NFS1: variants seen among roughly 807,000 people sequenced by gnomAD.
NFS1 encodes the protein NFS1 cysteine desulfurase.
A neutral mutation model predicts 57.3 loss-of-function variants in NFS1; 26 were observed. The observed-to-expected ratio is 0.45, with a 90% confidence interval of 0.33 to 0.63. The LOEUF (loss-of-function observed/expected upper bound fraction) is 0.63. NFS1 is among the 20% of genes least tolerant of loss of function. The pLI is 0.02. For missense variants in NFS1, 505 were observed against 605.8 expected, an observed-to-expected ratio of 0.83 and a Z score of 1.75; for synonymous variants, 209 against 216.3, an observed-to-expected ratio of 0.97 and a Z score of 0.30.
At chr20:35,688,616 G>A (rs746650077) in intron 5 of NFS1, among the ~76,000 whole-genome samples, 12 of 151,886 alleles carry the variant, frequency 7.9e-5, no homozygotes, top group Admixed American at 2.0e-4. Context: ...GTCTGAGGCC[G>A]CAGTGAGCTA....
At chr20:35,680,619 G>C in intron 7 of NFS1, 118 bp downstream of exon 7, 1 of 844,668 alleles carries the variant, frequency 1.2e-6, no homozygotes, top group Non-Finnish European at 1.7e-6. Context: ...TTCTACAAGG[G>C]ACTCTGAATG....
intron 5 of NFS1, among the ~76,000 whole-genome samples, chr20:35,690,009 G>A (rs564429480): frequency 6.6e-6 from 1 of 151,192 alleles, no homozygotes; most frequent in African/African-American, 2.4e-5. Flanking sequence ...TGAGGCAGGA[G>A]AATCATTAGA....
intron 5 of NFS1, among the ~76,000 whole-genome samples, chr20:35,685,865 CAAAAAA>C (rs72491026): frequency 3.0e-5 from 2 of 66,616 alleles, no homozygotes; most frequent in Admixed American, 1.6e-4. Flanking sequence ...TACCCCCCCG[CAAAAAA>C]AAAAAAAAAA....
intron 5 of NFS1, among the ~76,000 whole-genome samples, chr20:35,683,885 C>T (rs531011386): frequency 8.0e-4 from 119 of 149,170 alleles, no homozygotes; most frequent in Non-Finnish European, 1.4e-3. Context: ...CCCAGCACTT[C>T]GGCAGATCAC....
chr20:35,690,373 C>T (rs1335563040), intron 5 of NFS1, 40 bp downstream of exon 5: 1 of 1,597,410 alleles, frequency 6.3e-7, no homozygotes, highest in Admixed American at 1.7e-5. Flanking sequence ...TGAAGCCAGG[C>T]TCCTCCATTT....
At chr20:35,678,031 T>C (rs1276324397) in intron 7 of NFS1, among the ~76,000 whole-genome samples, 2 of 151,942 alleles carry the variant, frequency 1.3e-5, no homozygotes, top group South Asian at 4.1e-4. Flanking sequence ...CTGGCCAACA[T>C]AGTGAAACCC....
intron 12 of NFS1, among the ~76,000 whole-genome samples, chr20:35,672,295 G>T (rs956612790): frequency 3.3e-5 from 5 of 151,754 alleles, no homozygotes; most frequent in African/African-American, 1.2e-4. Context: ...TGTTGCTCAG[G>T]CTGCAATGCA....
Position 35,698,855 on chromosome 20 carries a change from G to T in NFS1, c.98-265C>A, listed in dbSNP as rs1171831669. On this transcript the variant is annotated intron_variant, in intron 1 of 12. Coordinates refer to ENST00000374092, the MANE Select transcript of NFS1 (RefSeq NM_021100.5). Reference sequence around the variant, plus strand: ...AAGGAAGGCTCTAAAGGGCAAAGACGTTTAGAAGGAACGTGGAGCCAGAGT... The same window carrying T: ...AAGGAAGGCTCTAAAGGGCAAAGACTTTTAGAAGGAACGTGGAGCCAGAGT... 7 of 1,346,284 alleles carry T rather than the reference G, an allele frequency of 5.2e-6. No individual in the cohort carries two copies. In the East Asian group the frequency reaches 2.1e-4, roughly 41 times the overall value. 83.4% of individuals were successfully genotyped at this position (1,346,284 alleles called of 1,614,324 possible). A position where few individuals can be genotyped will look rare whatever the true frequency, so the allele number is the denominator to read the frequency against.
chr20:35,672,993 T>C (rs1415958016), intron 11 of NFS1, 149 bp from the exon 12 acceptor site: 16 of 604,402 alleles, frequency 2.6e-5, no homozygotes, highest in Non-Finnish European at 4.7e-5. Context: ...TCTCAGAACA[T>C]GGTATATGGA....
At chr20:35,674,146 AC>A in intron 10 of NFS1, 1 of 570,798 alleles carries the variant, frequency 1.8e-6, no homozygotes, top group South Asian at 2.0e-5. Context: ...ACAAAATTCT[AC>A]CCCAGGAAGT....
chr20:35,674,711 T>C, intron 8 of NFS1, 94 bp from the exon 9 acceptor site: 1 of 957,476 alleles, frequency 1.0e-6, no homozygotes, highest in South Asian at 1.4e-5. Flanking sequence ...GAAGTGACTA[T>C]GTATCAGCCC....
chr20:35,697,464 A>C (rs2035154860), intron 3 of NFS1, among the ~76,000 whole-genome samples: 1 of 152,226 alleles, frequency 6.6e-6, no homozygotes, highest in Non-Finnish European at 1.5e-5. Context: ...GAGGAAAATA[A>C]GGCTCAAAGA....
At chr20:35,671,581 A>G (rs1601515356) in intron 12 of NFS1, among the ~76,000 whole-genome samples, 1 of 151,878 alleles carries the variant, frequency 6.6e-6, no homozygotes, top group South Asian at 2.1e-4. Context: ...TAAAGATAAT[A>G]ATAATCATAA....
chr20:35,691,631 C>T (rs2035041573), intron 4 of NFS1, among the ~76,000 whole-genome samples: 1 of 147,090 alleles, frequency 6.8e-6, no homozygotes, highest in Non-Finnish European at 1.5e-5. Flanking sequence ...ATCCCAACTA[C>T]TCAGGAGGCT....
rs564862087 is a variant in NFS1 at position 35,694,110 on chromosome 20, C to T, written c.408+2267G>A. Among the ~76,000 whole-genome samples the T allele has an allele frequency of 5.3e-5, 8 of 151,976 alleles. No individual in the cohort carries two copies. The South Asian group carries it at 1.5e-3, about 28-fold the overall frequency. ...CCAGTGAGCTGTGATTGTGCAACTG[C>T]ACCCCAGCCTAGGTGACAGAATGAG... On this transcript the variant is annotated intron_variant, in intron 4 of 12. Transcript: ENST00000374092.
intron 5 of NFS1, among the ~76,000 whole-genome samples, chr20:35,683,232 C>T (rs1232415164): frequency 6.6e-6 from 1 of 151,962 alleles, no homozygotes; most frequent in Non-Finnish European, 1.5e-5. Flanking sequence ...GAATGTAATC[C>T]CAGGACTTTG....
Position 35,699,126 on chromosome 20 carries a change from A to G in NFS1, c.97+66T>C. 2.2e-6 allele frequency: 3 copies of G among 1,362,902 alleles called. No individual in the cohort carries two copies. The highest frequency in any genetic ancestry group is 2.8e-6 in the Non-Finnish European group (3 of 1,064,562). 84.4% of individuals were successfully genotyped at this position (1,362,902 alleles called of 1,614,324 possible). A position where few individuals can be genotyped will look rare whatever the true frequency, so the allele number is the denominator to read the frequency against. ...AGGGTGGACAGGAAGGCTCCGGAAT[A>G]TTCAGTTGCGTCGCCGCGCGGAGGG... On this transcript the variant is annotated intron_variant, in intron 1 of 12. Coordinates refer to ENST00000374092, the MANE Select transcript of NFS1 (RefSeq NM_021100.5). The surrounding 1 kb of genome is among the most constrained non-coding windows in gnomAD (Gnocchi z 4.4).
chr20:35,694,924 A>G (rs2035107072), intron 4 of NFS1: 1 of 152,796 alleles, frequency 6.5e-6, no homozygotes, highest in East Asian at 1.9e-4. Flanking sequence ...TGGGATGGTG[A>G]TGATAGTTCA....
intron 5 of NFS1, among the ~76,000 whole-genome samples, chr20:35,688,201 A>C (rs574402398): frequency 1.3e-5 from 2 of 152,120 alleles, no homozygotes; most frequent in East Asian, 3.9e-4. Context: ...ACGAGCCAAG[A>C]TCGTGCCATT....
Sources: gnomAD v4.1 joint callset for allele counts (sites outside exome capture counted in the v4.1 genomes callset) on GRCh38, gnomAD v4.1.1 for gene constraint, Gnocchi (gnomAD v3.1) non-coding constraint, MANE v1.5 for transcripts, NCBI Gene and HGNC (gene_info 2026-07-23, HGNC 2026-07-21) for gene names.